Variants in PCDHGA4 observed in about 807,000 individuals in gnomAD.
The protein encoded by PCDHGA4 is protocadherin gamma subfamily A, 4, also known as protocadherin gamma-A4.
Under a neutral mutation model 54.6 loss-of-function variants are expected in PCDHGA4, and 38 were observed. The ratio of observed to expected loss-of-function variants is 0.70; its 90% CI spans 0.54 to 0.91. The LOEUF (loss-of-function observed/expected upper bound fraction) is 0.91. Ranked by LOEUF, PCDHGA4 falls within the 40% of genes least tolerant of loss-of-function variation. The pLI is 0.00. For missense variants in PCDHGA4, 1,298 were observed against 1,220.9 expected (o/e 1.06, Z -0.94); for synonymous variants, 511 against 512.9 (o/e 1.00, Z 0.05).
chr5:141,509,435 T>C (rs547082417), intron 3 of PCDHGA4, among the ~76,000 whole-genome samples: 1 of 152,214 alleles, frequency 6.6e-6, no homozygotes, highest in South Asian at 2.1e-4. Context: ...AAACTCTTGT[T>C]TCCTCCTCTC....
chr5:141,360,170 G>T (rs72790010), intron 1 of PCDHGA4: 2 of 1,607,748 alleles, frequency 1.2e-6, no homozygotes, highest in Non-Finnish European at 1.7e-6. Context: ...GGGCTGGTGC[G>T]GTGGCTGCAG....
rs980122657 is a variant in PCDHGA4, at chr5:141,511,379, C to G, written c.*206C>G. The G allele has an allele frequency of 2.9e-5, 34 of 1,169,842 alleles. No individual in the cohort carries two copies. The highest frequency in any genetic ancestry group is 3.9e-5 in the Non-Finnish European group (33 of 853,834). The allele number at this position is 1,169,842 out of a possible 1,614,324, so 72.5% of individuals were successfully genotyped here. ...GGGGGTTGAATATGCAAAAGCAGTT[C>G]CGCTGGGAACCCCCATCCAATCAAC... On this transcript the variant is annotated 3_prime_UTR_variant, in exon 4 of 4. Transcript: ENST00000571252.
chr5:141,486,401 G>T lies in PCDHGA4; in HGVS notation c.2515-8406G>T. 6.2e-7 allele frequency: 1 copy of T among 1,614,174 alleles called. No individual in the cohort carries two copies. On this transcript the variant is annotated intron_variant, in intron 1 of 3. Transcript: ENST00000571252. The surrounding 1 kb of genome is among the most constrained non-coding windows in gnomAD (Gnocchi z 5.0). ...CAGGAACCAGTTCTCCCTGGTGACT[G>T]CTGGACCCTTGGATCGAGAGGCCAA...
rs200317374 is a variant in PCDHGA4, at chr5:141,408,395, A to C, written c.2514+50774A>C. 29 of 1,613,856 alleles carry C rather than the reference A, an allele frequency of 1.8e-5. No homozygotes were observed. The South Asian group carries it at 3.0e-4, about 16-fold the overall frequency. On this transcript the variant is annotated intron_variant, in intron 1 of 3. Transcript: ENST00000571252. ...CAGTGTCCTGGATGTGTCGGCTCGC[A>C]AGCTGCGAGTGAGCGCGGAGAAGCT...
intron 1 of PCDHGA4, chr5:141,423,386 G>T: frequency 6.2e-7 from 1 of 1,614,160 alleles, no homozygotes; most frequent in Middle Eastern, 1.7e-4. Flanking sequence ...CTGTGGCGCT[G>T]GCATAAGTCA....
intron 1 of PCDHGA4, chr5:141,398,849 T>G: frequency 6.2e-7 from 1 of 1,613,874 alleles, no homozygotes; most frequent in Admixed American, 1.7e-5. Flanking sequence ...AATCCCCCGG[T>G]ATTCAACCGA....
intron 1 of PCDHGA4, among the ~76,000 whole-genome samples, chr5:141,454,195 T>A (rs1295815862): frequency 1.3e-5 from 2 of 152,136 alleles, no homozygotes; most frequent in Admixed American, 1.3e-4. Flanking sequence ...TTAGTGAAGG[T>A]GAATTTATTG....
intron 1 of PCDHGA4, chr5:141,405,281 G>A (rs1001215863): frequency 1.2e-6 from 2 of 1,614,158 alleles, no homozygotes; most frequent in Non-Finnish European, 1.7e-6. Flanking sequence ...CAACTATGCA[G>A]ACACACTCAT....
chr5:141,409,238 G>A (rs2095245468), intron 1 of PCDHGA4: 1 of 1,614,002 alleles, frequency 6.2e-7, no homozygotes, highest in Non-Finnish European at 8.5e-7. Flanking sequence ...CAACAGCCCA[G>A]AAATAATCAT....
Position 141,491,456 on chromosome 5 carries a change from C to A in PCDHGA4, c.2515-3351C>A. ...TGCAGGCGCCAGGACTCACCCTCCC[C>A]GGACTTCTATAAGCAGTCCAGCCCC... On this transcript the variant is annotated intron_variant, in intron 1 of 3. Coordinates refer to ENST00000571252, the MANE Select transcript of PCDHGA4 (RefSeq NM_018917.4). The surrounding 1 kb of genome is among the most constrained non-coding windows in gnomAD (Gnocchi z 6.9). 1.2e-6 allele frequency: 2 copies of A among 1,614,104 alleles called. No homozygotes were observed.
At chr5:141,405,203 C>A in intron 1 of PCDHGA4, 2 of 1,613,520 alleles carry the variant, frequency 1.2e-6, no homozygotes, top group Non-Finnish European at 1.7e-6. Flanking sequence ...AGCTTTCCTA[C>A]AGACCTATTC....
At position 141,489,078 on chromosome 5, in the gene PCDHGA4, G is replaced by A. The variant is rs990356560; in HGVS notation, c.2515-5729G>A. ...GCTCCCCTCCCCCCTGCCCACCCCC[G>A]CCACTCGGTGACTAAGAACTGCTGC... On this transcript the variant is annotated intron_variant, in intron 1 of 3. Transcript: ENST00000571252. The surrounding 1 kb of genome is among the most constrained non-coding windows in gnomAD (Gnocchi z 4.5). 6.9e-5 allele frequency: 11 copies of A among 160,224 alleles called. 1 individual carries two copies. Among genetic ancestry groups the A allele is most frequent in the Admixed American group, 3.7e-4 (4 of 10,708 alleles). The allele number at this position is 160,224 out of a possible 1,614,324, so 9.9% of individuals were successfully genotyped here.
chr5:141,378,017 A>G (rs1371705744), intron 1 of PCDHGA4: 1 of 152,202 alleles, frequency 6.6e-6, no homozygotes, highest in South Asian at 2.1e-4. Flanking sequence ...AGCTCTACTT[A>G]TATTATTTTT....
At chr5:141,358,241 T>C (rs868124614) in intron 1 of PCDHGA4, among the ~76,000 whole-genome samples, 7 of 152,318 alleles carry the variant, frequency 4.6e-5, no homozygotes, top group South Asian at 2.1e-4. Context: ...CCTTTTCTCT[T>C]AGGTGTTCCT....
At chr5:141,440,275 T>C (rs913705052) in intron 1 of PCDHGA4, 14 of 152,120 alleles carry the variant, frequency 9.2e-5, no homozygotes, top group African/African-American at 3.1e-4. Flanking sequence ...GAGACCAGCC[T>C]GACCAACATA....
rs2094474207 is a variant in PCDHGA4 at position 141,403,989 on chromosome 5, A to C, written c.2514+46368A>C. On this transcript the variant is annotated intron_variant, in intron 1 of 3. Coordinates refer to ENST00000571252, the MANE Select transcript of PCDHGA4 (RefSeq NM_018917.4). ...GAAGATGTAAATGACAATAGACCTG[A>C]AGTGACCATTACATCTCTGTTTAGC... The C allele has an allele frequency of 1.2e-6, 2 of 1,613,868 alleles. No homozygotes were observed. Among genetic ancestry groups the C allele is most frequent in the Middle Eastern group, 1.6e-4 (1 of 6,062 alleles).
At chr5:141,433,208 C>T (rs780155661) in intron 1 of PCDHGA4, 90 of 1,293,816 alleles carry the variant, frequency 7.0e-5, no homozygotes, top group Middle Eastern at 5.9e-4. Flanking sequence ...AATCTTCTTT[C>T]TTTTTTTTTT....
intron 1 of PCDHGA4, chr5:141,371,689 T>C: frequency 6.2e-7 from 1 of 1,613,982 alleles, no homozygotes; most frequent in Non-Finnish European, 8.5e-7. Flanking sequence ...AATCCACCGC[T>C]CTCCTCCAGC....
At chr5:141,365,966 G>C in intron 1 of PCDHGA4, 1 of 1,614,222 alleles carries the variant, frequency 6.2e-7, no homozygotes, top group Non-Finnish European at 8.5e-7. Context: ...TAGCAGCAAC[G>C]TGTCGCTGAG....
Sources: allele counts gnomAD v4.1 joint callset (sites outside exome capture counted in the v4.1 genomes callset), GRCh38; gene constraint gnomAD v4.1.1; non-coding constraint Gnocchi (gnomAD v3.1); transcripts MANE v1.5; gene names NCBI Gene and HGNC (gene_info 2026-07-23, HGNC 2026-07-21).